CACNA2D2: variants seen among roughly 807,000 people sequenced by gnomAD.
CACNA2D2 encodes the protein voltage-dependent calcium channel subunit alpha-2/delta-2.
In CACNA2D2, 48 loss-of-function variants were observed where a neutral mutation model predicts 166.4. The ratio of observed to expected loss-of-function variants is 0.29; its 90% CI spans 0.23 to 0.37. The LOEUF (loss-of-function observed/expected upper bound fraction) is 0.37, where lower values mean the gene tolerates loss of function less well. Ranked by LOEUF, CACNA2D2 falls within the 10% of genes least tolerant of loss-of-function variation. The pLI is 1.00. For missense variants in CACNA2D2, 1,122 were observed against 1,433.0 expected (o/e 0.78, Z 3.50); for synonymous variants, 561 against 573.7 (o/e 0.98, Z 0.32).
intron 2 of CACNA2D2, among the ~76,000 whole-genome samples, chr3:50,443,931 G>A (rs867888588): frequency 2.0e-5 from 3 of 152,208 alleles, no homozygotes; most frequent in African/African-American, 4.8e-5. Context: ...GGGTTTCAAC[G>A]GGTCATGGAG....
At position 50,376,763 on chromosome 3, in the gene CACNA2D2, A is replaced by AG. The variant is rs2106645160; in HGVS notation, c.1627-576dup. ...CCACTCAGGGCCAAGCAGAGGCTTC[A>AG]GGGGGGCTCAGGCTTAATGATGCTG... On this transcript the variant is annotated intron_variant, in intron 17 of 37. Coordinates refer to ENST00000424201, the MANE Select transcript of CACNA2D2 (RefSeq NM_006030.4). The surrounding 1 kb of genome is among the most constrained non-coding windows in gnomAD (Gnocchi z 4.3). 6.6e-6 allele frequency among the ~76,000 whole-genome samples: 1 copy of AG among 152,240 alleles called. No homozygotes were observed. The highest frequency in any genetic ancestry group is 2.4e-5 in the African/African-American group (1 of 41,552).
rs1309966675 is a variant in CACNA2D2 at position 50,376,662 on chromosome 3, T to C, written c.1627-474A>G. Among the ~76,000 whole-genome samples the C allele has an allele frequency of 3.9e-5, 6 of 152,296 alleles. No individual in the cohort carries two copies. The highest frequency in any genetic ancestry group is 2.1e-4 in the South Asian group (1 of 4,828). On this transcript the variant is annotated intron_variant, in intron 17 of 37. Transcript: ENST00000424201. This position sits in a 1 kb window ranked among gnomAD's most constrained non-coding sequence, Gnocchi z 4.3. ...CAGGTGGAAGGGAAGTAGGAGTAAG[T>C]GGGACCTGGACCTAGCCCTTACCTC...
chr3:50,375,937 C>A lies in CACNA2D2; in HGVS notation c.1773+26G>T. The A allele has an allele frequency of 1.2e-6, 2 of 1,612,948 alleles. No homozygotes were observed. Among genetic ancestry groups the A allele is most frequent in the Non-Finnish European group, 1.7e-6 (2 of 1,179,806 alleles). On this transcript the variant is annotated intron_variant, in intron 19 of 37. Coordinates refer to ENST00000424201, the MANE Select transcript of CACNA2D2 (RefSeq NM_006030.4). This position sits in a 1 kb window ranked among gnomAD's most constrained non-coding sequence, Gnocchi z 4.0. ...CCCTACACTCCTCTGCTCTGTCCCC[C>A]ACCCCTGTTCTCCTCCTCTCCTTAC...
intron 2 of CACNA2D2, among the ~76,000 whole-genome samples, chr3:50,450,426 G>A (rs1002831974): frequency 1.1e-4 from 17 of 149,664 alleles, no homozygotes; most frequent in Admixed American, 6.7e-5. Flanking sequence ...AGAACTGCTC[G>A]GACGTGAAAT....
At chr3:50,446,489 G>A (rs907732414) in intron 2 of CACNA2D2, among the ~76,000 whole-genome samples, 2 of 152,180 alleles carry the variant, frequency 1.3e-5, no homozygotes, top group Admixed American at 1.3e-4. Flanking sequence ...CCAGCCTGTG[G>A]GATCCTGTAA....
At chr3:50,486,249 G>A (rs987216783) in intron 1 of CACNA2D2, among the ~76,000 whole-genome samples, 3 of 152,182 alleles carry the variant, frequency 2.0e-5, no homozygotes, top group East Asian at 1.9e-4. Flanking sequence ...GGGTCAGGGA[G>A]GAACCCAGGA....
chr3:50,392,345 G>A (rs1705927787), intron 4 of CACNA2D2, among the ~76,000 whole-genome samples: 1 of 152,206 alleles, frequency 6.6e-6, no homozygotes, highest in African/African-American at 2.4e-5. Flanking sequence ...AGCTGTGGTA[G>A]CAGCAGTGCT....
At chr3:50,396,361 C>T (rs1462596579) in intron 3 of CACNA2D2, among the ~76,000 whole-genome samples, 1 of 152,174 alleles carries the variant, frequency 6.6e-6, no homozygotes, top group Non-Finnish European at 1.5e-5. Flanking sequence ...GCCTTTTCTC[C>T]AAATGTAGAT....
At chr3:50,431,074 C>T (rs1051339991) in intron 3 of CACNA2D2, among the ~76,000 whole-genome samples, 7 of 152,100 alleles carry the variant, frequency 4.6e-5, no homozygotes, top group Non-Finnish European at 8.8e-5. Context: ...TTTGCAAGCC[C>T]CCAATTAGAA....
rs1704102068 is a variant in CACNA2D2, at chr3:50,364,529, G to T, written c.*137C>A. 4 of 1,108,304 alleles carry T rather than the reference G, an allele frequency of 3.6e-6. No homozygotes were observed. The highest frequency in any genetic ancestry group is 5.0e-6 in the Non-Finnish European group (4 of 803,004). The allele number at this position is 1,108,304 out of a possible 1,614,324, so 68.7% of individuals were successfully genotyped here. On this transcript the variant is annotated 3_prime_UTR_variant, in exon 38 of 38. Transcript: ENST00000424201. Reference sequence around the variant, plus strand: ...ACTCCCCATCCCAAGGCGCAGACCAGACTCTCAGGGCCTGGCCAGCTCAGG... The same window carrying T: ...ACTCCCCATCCCAAGGCGCAGACCATACTCTCAGGGCCTGGCCAGCTCAGG...
intron 3 of CACNA2D2, among the ~76,000 whole-genome samples, chr3:50,395,045 GA>G (rs1477330312): frequency 2.0e-5 from 3 of 152,140 alleles, no homozygotes; most frequent in Admixed American, 2.0e-4. Context: ...ACTTTCTAAG[GA>G]TCCCTTCTCT....
In CACNA2D2 at chr3:50,480,359, G is replaced by A. The variant is rs1697991877; in HGVS notation, c.207-4160C>T. On this transcript the variant is annotated intron_variant, in intron 1 of 37. Coordinates refer to ENST00000424201, the MANE Select transcript of CACNA2D2 (RefSeq NM_006030.4). ...TAGTTTTTAATGGTCAAATCCACAG[G>A]CTTTTACTGGACAGTCCCCTGAGGG... 1.3e-5 allele frequency among the ~76,000 whole-genome samples: 2 copies of A among 152,060 alleles called. 1 individual carries two copies. The highest frequency in any genetic ancestry group is 1.3e-4 in the Admixed American group (2 of 15,270).
At position 50,405,400 on chromosome 3, in the gene CACNA2D2, A is replaced by C. The variant is rs903491641; in HGVS notation, c.406-11232T>G. The stretch of plus-strand genomic sequence containing the variant: ...GGGGGCGAGCCCAGCCCACCTAGGC[A>C]GCAGGAACACCAGAGCAAGCAGCTT... On this transcript the variant is annotated intron_variant, in intron 3 of 37. Transcript: ENST00000424201. Among the ~76,000 whole-genome samples the C allele has an allele frequency of 4.6e-5, 7 of 152,294 alleles. No individual in the cohort carries two copies. The East Asian group carries it at 1.2e-3, about 25-fold the overall frequency.
Position 50,388,903 on chromosome 3 carries a change from C to T in CACNA2D2, c.466-1291G>A, listed in dbSNP as rs587630022. 2.0e-5 allele frequency among the ~76,000 whole-genome samples: 3 copies of T among 152,260 alleles called. No individual in the cohort carries two copies. In the East Asian group the frequency reaches 5.8e-4, roughly 29 times the overall value. On this transcript the variant is annotated intron_variant, in intron 4 of 37. Transcript: ENST00000424201. ...AACACTGACTGCATGCCTGGCACCA[C>T]GCATGGGTAAGACCACAACTTCCTG...
chr3:50,369,938 G>A (rs181794743), intron 23 of CACNA2D2, among the ~76,000 whole-genome samples: 82 of 152,362 alleles, frequency 5.4e-4, no homozygotes, highest in Non-Finnish European at 5.1e-4. Flanking sequence ...GATGGGGTGC[G>A]GGGTTGGGGG....
intron 2 of CACNA2D2, among the ~76,000 whole-genome samples, chr3:50,444,911 C>G (rs989722562): frequency 6.6e-6 from 1 of 152,206 alleles, no homozygotes; most frequent in Admixed American, 6.5e-5. Context: ...ATGCACTTGA[C>G]CTTGCATACC....
chr3:50,402,880 C>G (rs937461310), intron 3 of CACNA2D2, among the ~76,000 whole-genome samples: 8 of 152,222 alleles, frequency 5.3e-5, no homozygotes, highest in African/African-American at 1.9e-4. Context: ...GTGAGGGTAC[C>G]CATCCAGGGG....
At position 50,380,750 on chromosome 3, in the gene CACNA2D2, G is replaced by T; in HGVS notation, c.840C>A (p.Pro280=). ...CCAGCCCCTTCTTGCTCGCTCACCAGGGTCTCCTTCGGACATCGTACAGGT... is the reference window on the plus strand; with the variant it reads ...CCAGCCCCTTCTTGCTCGCTCACCATGGTCTCCTTCGGACATCGTACAGGT... ...KIDLYDVRRR[P]WYIQGASSPK... Residue 280 remains proline (P), a splice_region_variant and synonymous_variant, in exon 8 of 38, where the codon CCC becomes CCA. Coordinates refer to ENST00000424201, the MANE Select transcript of CACNA2D2 (RefSeq NM_006030.4). The surrounding 1 kb of genome is among the most constrained non-coding windows in gnomAD (Gnocchi z 4.9). The T allele has an allele frequency of 6.5e-7, 1 of 1,536,950 alleles. No individual in the cohort carries two copies. The highest frequency in any genetic ancestry group is 8.8e-7 in the Non-Finnish European group (1 of 1,141,718).
chr3:50,433,401 C>T (rs745885734), intron 3 of CACNA2D2, among the ~76,000 whole-genome samples: 1 of 151,926 alleles, frequency 6.6e-6, no homozygotes, highest in Admixed American at 6.6e-5. Flanking sequence ...ACTCTATTGC[C>T]CAGGCTGGAG....
Sources: gnomAD v4.1 joint callset for allele counts (sites outside exome capture counted in the v4.1 genomes callset) on GRCh38, gnomAD v4.1.1 for gene constraint, Gnocchi (gnomAD v3.1) non-coding constraint, MANE v1.5 for transcripts, NCBI Gene and HGNC (gene_info 2026-07-23, HGNC 2026-07-21) for gene names.